ANKS1B: variants seen among roughly 807,000 people sequenced by gnomAD.
ANKS1B encodes the protein ankyrin repeat and sterile alpha motif domain-containing protein 1B.
A neutral mutation model predicts 148.3 loss-of-function variants in ANKS1B; 36 were observed. That is an observed-to-expected ratio of 0.24 (90% CI 0.19 to 0.32). The LOEUF (loss-of-function observed/expected upper bound fraction) is 0.32, where lower values mean the gene tolerates loss of function less well. Ranked by LOEUF, ANKS1B falls within the 10% of genes least tolerant of loss-of-function variation. ANKS1B has a pLI of 1.00. For synonymous variants in ANKS1B, 542 were observed against 560.8 expected (o/e 0.97, Z 0.47); for missense variants, 1,157 against 1,542.6 (o/e 0.75, Z 4.19).
At chr12:99,836,704 C>T (rs372134737) in intron 1 of ANKS1B, among the ~76,000 whole-genome samples, 1 of 152,134 alleles carries the variant, frequency 6.6e-6, no homozygotes, top group Non-Finnish European at 1.5e-5. Context: ...CTATTTTAAC[C>T]TAGTTTTAAC....
At chr12:98,787,707 C>A (rs953807545) in intron 22 of ANKS1B, among the ~76,000 whole-genome samples, 3 of 150,902 alleles carry the variant, frequency 2.0e-5, no homozygotes, top group African/African-American at 7.3e-5. Flanking sequence ...ATTGCCTGAG[C>A]TCAGGAGTTC....
At chr12:99,261,104 A>AAGTCTCTTAAATGCT (rs2075880792) in intron 12 of ANKS1B, among the ~76,000 whole-genome samples, 1 of 152,184 alleles carries the variant, frequency 6.6e-6, no homozygotes, top group Admixed American at 6.6e-5. Flanking sequence ...TGCAAAAGAA[A>AAGTCTCTTAAATGCT]AGTCTCTTAA....
intron 17 of ANKS1B, among the ~76,000 whole-genome samples, chr12:98,998,620 A>G (rs2099931094): frequency 6.6e-6 from 1 of 152,222 alleles, no homozygotes; most frequent in South Asian, 2.1e-4. Flanking sequence ...TTAATGTTTT[A>G]TTAACCATAA....
intron 4 of ANKS1B, among the ~76,000 whole-genome samples, chr12:99,801,276 C>A (rs1049202467): frequency 6.6e-6 from 1 of 152,152 alleles, no homozygotes; most frequent in Non-Finnish European, 1.5e-5. Flanking sequence ...CAGAGATTCC[C>A]AGGCTAACTT....
chr12:99,514,652 C>T (rs1596177473), intron 9 of ANKS1B, among the ~76,000 whole-genome samples: 1 of 152,038 alleles, frequency 6.6e-6, no homozygotes, highest in African/African-American at 2.4e-5. Context: ...CTTCTGGCAC[C>T]AGATCTAGTG....
At chr12:98,974,795 C>T (rs183730644) in intron 17 of ANKS1B, among the ~76,000 whole-genome samples, 16 of 152,218 alleles carry the variant, frequency 1.1e-4, no homozygotes, top group African/African-American at 3.4e-4. Context: ...TTTCTTTCTG[C>T]CTGCCTTCTT....
chr12:99,526,434 T>C (rs910606857), intron 9 of ANKS1B, among the ~76,000 whole-genome samples: 2 of 152,158 alleles, frequency 1.3e-5, no homozygotes, highest in Admixed American at 6.5e-5. Context: ...TATTACTCTA[T>C]CTAAAAAATG....
chr12:99,536,273 T>C (rs1014639671), intron 9 of ANKS1B, among the ~76,000 whole-genome samples: 159 of 152,256 alleles, frequency 1.0e-3, no homozygotes, highest in African/African-American at 3.8e-3. Context: ...GTAACAAATG[T>C]AGCACTCTGG....
downstream of ANKS1B, among the ~76,000 whole-genome samples, chr12:98,743,047 C>A (rs1372023375): frequency 6.6e-6 from 1 of 152,164 alleles, no homozygotes; most frequent in Admixed American, 6.5e-5. Context: ...CTGAACATGG[C>A]CATTATATTC....
chr12:99,186,076 T>A (rs549815361), intron 14 of ANKS1B, among the ~76,000 whole-genome samples: 2 of 152,268 alleles, frequency 1.3e-5, no homozygotes, highest in African/African-American at 4.8e-5. Flanking sequence ...CCGCTATGAC[T>A]GAGGCTTGAA....
intron 10 of ANKS1B, among the ~76,000 whole-genome samples, chr12:99,494,281 C>T (rs184154919): frequency 6.6e-6 from 1 of 152,064 alleles, no homozygotes; most frequent in African/African-American, 2.4e-5. Flanking sequence ...GAAGTGAAAA[C>T]AAAGAAGGAA....
At chr12:99,214,065 T>G (rs1251607196) in intron 14 of ANKS1B, among the ~76,000 whole-genome samples, 5 of 152,106 alleles carry the variant, frequency 3.3e-5, no homozygotes, top group Non-Finnish European at 7.4e-5. Flanking sequence ...TTAGAAAAAT[T>G]TGAACCAATT....
At chr12:99,680,268 C>T (rs1323277197) in intron 8 of ANKS1B, among the ~76,000 whole-genome samples, 1 of 152,160 alleles carries the variant, frequency 6.6e-6, no homozygotes, top group African/African-American at 2.4e-5. Context: ...TGGCAAAACC[C>T]CGCCTCTACT....
chr12:99,802,949 T>G (rs970169144), intron 4 of ANKS1B, among the ~76,000 whole-genome samples: 8 of 151,144 alleles, frequency 5.3e-5, no homozygotes, highest in Non-Finnish European at 1.0e-4. Context: ...TAAAATCACA[T>G]GTAACTACTA....
chr12:99,042,340 C>A (rs184311035), intron 17 of ANKS1B, among the ~76,000 whole-genome samples: 10 of 152,270 alleles, frequency 6.6e-5, no homozygotes, highest in Admixed American at 6.5e-4. Context: ...TCTGCGATAG[C>A]ATACTAGAGA....
intron 1 of ANKS1B, among the ~76,000 whole-genome samples, chr12:99,932,253 T>C (rs1312930346): frequency 2.6e-5 from 4 of 152,156 alleles, no homozygotes; most frequent in Non-Finnish European, 4.4e-5. Context: ...ATGTCTTTGA[T>C]ATATTGATTT....
At chr12:99,700,527 T>C (rs923024808) in intron 8 of ANKS1B, among the ~76,000 whole-genome samples, 6 of 152,170 alleles carry the variant, frequency 3.9e-5, no homozygotes, top group African/African-American at 1.4e-4. Flanking sequence ...TTTTTTTCCT[T>C]CTTTACAATT....
At chr12:98,794,463 T>G in intron 22 of ANKS1B, 1 of 293,286 alleles carries the variant, frequency 3.4e-6, no homozygotes, top group East Asian at 6.2e-5. Context: ...GTTTGGTCGA[T>G]GGGGACCCAT....
chr12:99,387,603 A>G (rs12319310), intron 12 of ANKS1B, among the ~76,000 whole-genome samples: 2,811 of 151,082 alleles, frequency 0.019, 87 homozygotes, highest in African/African-American at 0.066. Flanking sequence ...CTCAAAAAAA[A>G]AAGAAGAAGA....
Sources: allele counts gnomAD v4.1 joint callset (sites outside exome capture counted in the v4.1 genomes callset), GRCh38; gene constraint gnomAD v4.1.1; transcripts MANE v1.5; gene names NCBI Gene and HGNC (gene_info 2026-07-23, HGNC 2026-07-21).